The following LIMCH1 variants were observed in gnomAD, a reference collection of about 807,000 sequenced individuals.
LIMCH1 encodes LIM and calponin homology domains-containing protein 1.
In LIMCH1, 113 loss-of-function variants were observed where a neutral mutation model predicts 176.5. The ratio of observed to expected loss-of-function variants is 0.64; its 90% CI spans 0.55 to 0.75. The LOEUF is 0.75. LIMCH1 is among the 30% of genes least tolerant of loss of function. The pLI is 0.00. For synonymous variants in LIMCH1, 619 were observed against 645.9 expected (o/e 0.96, Z 0.63); for missense variants, 1,674 against 1,814.9 (o/e 0.92, Z 1.41).
chr4:41,384,480 T>G (rs1048147275), intron 1 of LIMCH1, among the ~76,000 whole-genome samples: 3 of 152,108 alleles, frequency 2.0e-5, no homozygotes, highest in African/African-American at 7.2e-5. Context: ...AGTGCTGGGA[T>G]TACAGGCGTG....
chr4:41,579,314 G>GT (rs1202548088), intron 1 of LIMCH1, among the ~76,000 whole-genome samples: 1 of 152,142 alleles, frequency 6.6e-6, no homozygotes, highest in African/African-American at 2.4e-5. Flanking sequence ...CGGGCATAAT[G>GT]TCACCACTTC....
chr4:41,437,039 T>G (rs1470196140), intron 1 of LIMCH1, among the ~76,000 whole-genome samples: 2 of 152,198 alleles, frequency 1.3e-5, no homozygotes, highest in Non-Finnish European at 2.9e-5. Context: ...TTAAGAAGGC[T>G]TTCCAGAAGG....
upstream of LIMCH1, chr4:41,359,611 C>A (rs2051771115): frequency 6.6e-6 from 1 of 152,164 alleles, no homozygotes; most frequent in African/African-American, 2.4e-5. Context: ...TGAGCCGGAT[C>A]GGGAGACCAT....
chr4:41,524,125 C>T (rs2076384771), intron 2 of LIMCH1, among the ~76,000 whole-genome samples: 2 of 152,174 alleles, frequency 1.3e-5, no homozygotes, highest in Non-Finnish European at 2.9e-5. Flanking sequence ...AACCTCAATC[C>T]AGCTCTCCCC....
chr4:41,386,586 A>G (rs1374991015), intron 1 of LIMCH1, among the ~76,000 whole-genome samples: 1 of 152,228 alleles, frequency 6.6e-6, no homozygotes, highest in African/African-American at 2.4e-5. Flanking sequence ...TGGACAGGCA[A>G]ACAATTAGTT....
At chr4:41,685,271 C>T (rs1326837082) in intron 27 of LIMCH1, among the ~76,000 whole-genome samples, 6 of 152,118 alleles carry the variant, frequency 3.9e-5, no homozygotes, top group South Asian at 2.1e-4. Context: ...TAGATTTGTG[C>T]GTGTTCCCAA....
At chr4:41,608,187 G>A (rs1487251351) in intron 4 of LIMCH1, among the ~76,000 whole-genome samples, 1 of 152,200 alleles carries the variant, frequency 6.6e-6, no homozygotes, top group Non-Finnish European at 1.5e-5. Context: ...GATCCAAGAT[G>A]GCTGTTCAGG....
intron 1 of LIMCH1, among the ~76,000 whole-genome samples, chr4:41,382,284 G>T (rs957661928): frequency 1.3e-5 from 2 of 152,042 alleles, no homozygotes; most frequent in African/African-American, 4.8e-5. Flanking sequence ...TTTGTAGGTA[G>T]AGTTGGGTTA....
chr4:41,416,971 C>T lies in LIMCH1; in HGVS notation c.96+56035C>T, dbSNP rs79354592. Among the ~76,000 whole-genome samples the T allele has an allele frequency of 2.2e-3, 331 of 152,262 alleles. 3 individuals are homozygous for T. The highest frequency in any genetic ancestry group is 7.4e-3 in the African/African-American group (307 of 41,560). ...GCCTGCAAAAAATATCTTTACATAGCAAGCTTTTAGGGCAAAGACATGTGC... is the reference window on the plus strand; with the variant it reads ...GCCTGCAAAAAATATCTTTACATAGTAAGCTTTTAGGGCAAAGACATGTGC... On this transcript the variant is annotated intron_variant, in intron 1 of 26. Coordinates refer to the LIMCH1 transcript ENST00000313860.
intron 1 of LIMCH1, among the ~76,000 whole-genome samples, chr4:41,424,174 T>G (rs1345289825): frequency 3.3e-5 from 5 of 152,104 alleles, no homozygotes; most frequent in Admixed American, 3.3e-4. Flanking sequence ...CCTCCTTCTC[T>G]CCCTCTCTCT....
chr4:41,397,598 GTA>G (rs2057937853), intron 1 of LIMCH1, among the ~76,000 whole-genome samples: 1 of 151,904 alleles, frequency 6.6e-6, no homozygotes, highest in South Asian at 2.1e-4. Flanking sequence ...CATAAAAGCA[GTA>G]TGAAAATTTT....
chr4:41,445,793 C>G (rs2063220380), intron 1 of LIMCH1, among the ~76,000 whole-genome samples: 1 of 152,132 alleles, frequency 6.6e-6, no homozygotes, highest in Non-Finnish European at 1.5e-5. Context: ...ACCTTTCTAT[C>G]TTGCTTTATT....
intron 1 of LIMCH1, among the ~76,000 whole-genome samples, chr4:41,563,569 C>G (rs1047406929): frequency 6.6e-6 from 1 of 152,174 alleles, no homozygotes; most frequent in African/African-American, 2.4e-5. Flanking sequence ...AAATTTCTTT[C>G]CTCCATTGTC....
rs768070160 is a variant in LIMCH1 at position 41,360,960 on chromosome 4, G to A, written c.96+24G>A. 5 of 1,538,922 alleles carry A rather than the reference G, an allele frequency of 3.2e-6. No homozygotes were observed. The highest frequency in any genetic ancestry group is 4.4e-6 in the Non-Finnish European group (5 of 1,140,960). On this transcript the variant is annotated intron_variant, in intron 1 of 26. Coordinates refer to the LIMCH1 transcript ENST00000313860. This position sits in a 1 kb window ranked among gnomAD's most constrained non-coding sequence, Gnocchi z 4.5. Reference sequence around the variant, plus strand: ...AGGTAGGTGCGGGTGGCTGGCGGGCGGCCTTGCACTGGCGCCCTGAGCCAC... The same window carrying A: ...AGGTAGGTGCGGGTGGCTGGCGGGCAGCCTTGCACTGGCGCCCTGAGCCAC...
At chr4:41,522,593 G>T (rs1331430824) in intron 2 of LIMCH1, among the ~76,000 whole-genome samples, 1 of 152,122 alleles carries the variant, frequency 6.6e-6, no homozygotes. Flanking sequence ...GCGAGAAAAA[G>T]AATTTTGTAC....
At chr4:41,393,758 C>A (rs1162191824) in intron 1 of LIMCH1, among the ~76,000 whole-genome samples, 1 of 152,088 alleles carries the variant, frequency 6.6e-6, no homozygotes, top group East Asian at 1.9e-4. Context: ...CTCTTTTAAT[C>A]ATCTAGAATT....
At chr4:41,487,877 C>A (rs565907961) in intron 1 of LIMCH1, among the ~76,000 whole-genome samples, 65 of 150,464 alleles carry the variant, frequency 4.3e-4, no homozygotes, top group Admixed American at 3.6e-3. Flanking sequence ...TGGTCTCAAT[C>A]TCCTGACCTC....
intron 1 of LIMCH1, among the ~76,000 whole-genome samples, chr4:41,549,782 A>C (rs1223360064): frequency 2.0e-5 from 3 of 152,102 alleles, no homozygotes; most frequent in African/African-American, 2.4e-5. Context: ...CTGTTCATTA[A>C]ATTTTTTAAG....
chr4:41,578,007 A>T (rs1429002335), intron 1 of LIMCH1, among the ~76,000 whole-genome samples: 1 of 152,164 alleles, frequency 6.6e-6, no homozygotes, highest in Non-Finnish European at 1.5e-5. Context: ...TTTAGGATAG[A>T]TTCCTCAAAA....
Sources: allele counts gnomAD v4.1 joint callset (sites outside exome capture counted in the v4.1 genomes callset), GRCh38; gene constraint gnomAD v4.1.1; non-coding constraint Gnocchi (gnomAD v3.1); transcripts MANE v1.5; gene names NCBI Gene and HGNC (gene_info 2026-07-23, HGNC 2026-07-21).